Variants in MLLT3 observed in about 807,000 individuals in gnomAD.
The protein encoded by MLLT3 is protein AF-9.
MLLT3 carries 4 observed loss-of-function variants against 53.2 expected under a neutral mutation model. The ratio of observed to expected loss-of-function variants is 0.08; its 90% confidence interval spans 0.04 to 0.17. The LOEUF (loss-of-function observed/expected upper bound fraction) is 0.17, where lower values mean the gene tolerates loss of function less well. MLLT3 is among the 10% of genes least tolerant of loss of function. MLLT3 has a pLI of 1.00. For synonymous variants in MLLT3, 283 were observed against 230.6 expected (o/e 1.23, Z -2.06); for missense variants, 569 against 684.0 (o/e 0.83, Z 1.87).
At chr9:20,531,827 G>C (rs1818345497) in intron 2 of MLLT3, among the ~76,000 whole-genome samples, 2 of 152,102 alleles carry the variant, frequency 1.3e-5, no homozygotes, top group East Asian at 1.9e-4. Flanking sequence ...AAATTCCCAA[G>C]AAAGCCTCTC....
chr9:20,533,617 T>C (rs545428954), intron 2 of MLLT3, among the ~76,000 whole-genome samples: 8 of 152,366 alleles, frequency 5.3e-5, no homozygotes, highest in African/African-American at 1.9e-4. Context: ...CCATGTTCAC[T>C]GTAGCATTAC....
intron 2 of MLLT3, among the ~76,000 whole-genome samples, chr9:20,464,884 C>T (rs1282922742): frequency 6.6e-6 from 1 of 152,050 alleles, no homozygotes; most frequent in African/African-American, 2.4e-5. Context: ...CATGTAATAA[C>T]CCACACAGGT....
Position 20,353,503 on chromosome 9 carries a change from TG to T in MLLT3, c.1575+21del, listed in dbSNP as rs752238495. ...AAGTCTTGAAGTTTCTGGAAAGGGT[TG>T]TGCTAAAAAGCATTTCTCACCTGCT... is the stretch of plus-strand genomic sequence containing the variant. On this transcript the variant is annotated intron_variant, in intron 10 of 10. Transcript: ENST00000380338. 3 of 1,606,956 alleles carry T rather than the reference TG, an allele frequency of 1.9e-6. No individual in the cohort carries two copies. The Admixed American group carries it at 5.0e-5, about 27-fold the overall frequency.
chr9:20,452,892 A>G (rs561563175), intron 3 of MLLT3, among the ~76,000 whole-genome samples: 2 of 152,324 alleles, frequency 1.3e-5, no homozygotes, highest in South Asian at 4.1e-4. Context: ...ATCAATAGGC[A>G]TTAAGTTTCA....
At chr9:20,608,562 A>G (rs1001895476) in intron 2 of MLLT3, among the ~76,000 whole-genome samples, 5 of 151,542 alleles carry the variant, frequency 3.3e-5, no homozygotes, top group Admixed American at 6.6e-5. Flanking sequence ...CGTTATCTAC[A>G]TGTCTCCCTT....
chr9:20,410,590 T>A (rs1434366587), intron 5 of MLLT3: 1 of 152,084 alleles, frequency 6.6e-6, no homozygotes, highest in African/African-American at 2.4e-5. Flanking sequence ...AAGTGATCGA[T>A]CCCTCAAACA....
At chr9:20,610,690 A>G (rs989045312) in intron 2 of MLLT3, among the ~76,000 whole-genome samples, 7 of 152,154 alleles carry the variant, frequency 4.6e-5, no homozygotes, top group African/African-American at 1.7e-4. Flanking sequence ...GTGTAACTCT[A>G]ATGCAACACA....
At chr9:20,444,257 A>C (rs1823632601) in intron 4 of MLLT3, among the ~76,000 whole-genome samples, 1 of 152,228 alleles carries the variant, frequency 6.6e-6, no homozygotes, top group Non-Finnish European at 1.5e-5. Flanking sequence ...CTGATCCAAA[A>C]GTGATCAATC....
At chr9:20,449,896 CAA>C (rs1823797650) in intron 3 of MLLT3, among the ~76,000 whole-genome samples, 1 of 152,140 alleles carries the variant, frequency 6.6e-6, no homozygotes, top group African/African-American at 2.4e-5. Context: ...TACCTTTCTG[CAA>C]AGTTTCCCAA....
At chr9:20,436,800 A>AT (rs909625362) in intron 4 of MLLT3, among the ~76,000 whole-genome samples, 4 of 152,148 alleles carry the variant, frequency 2.6e-5, no homozygotes, top group Non-Finnish European at 5.9e-5. Flanking sequence ...TGATTTACTC[A>AT]TTTTATAGCC....
chr9:20,487,616 AC>A (rs1362672407), intron 2 of MLLT3, among the ~76,000 whole-genome samples: 1 of 152,276 alleles, frequency 6.6e-6, no homozygotes, highest in Non-Finnish European at 1.5e-5. Flanking sequence ...GTCCATCTGT[AC>A]CAATAATTTA....
At chr9:20,580,516 T>A (rs1037262863) in intron 2 of MLLT3, among the ~76,000 whole-genome samples, 1 of 152,274 alleles carries the variant, frequency 6.6e-6, no homozygotes, top group East Asian at 1.9e-4. Flanking sequence ...TAGACTCTCT[T>A]GGACAGTTTT....
In MLLT3 at chr9:20,620,943, G is replaced by T; in HGVS notation, c.13-109C>A. ...CTCCTTCTTGAAACGCACATAAAAG[G>T]AAACGGCGGTGCCCTCTGCATCCAC... On this transcript the variant is annotated intron_variant, in intron 1 of 10. Coordinates refer to ENST00000380338, the MANE Select transcript of MLLT3 (RefSeq NM_004529.4). This position sits in a 1 kb window ranked among gnomAD's most constrained non-coding sequence, Gnocchi z 6.1. 2.6e-6 allele frequency: 3 copies of T among 1,168,588 alleles called. No individual in the cohort carries two copies. The highest frequency in any genetic ancestry group is 1.9e-5 in the Admixed American group (1 of 52,972). 72.4% of individuals were successfully genotyped at this position (1,168,588 alleles called of 1,614,324 possible).
chr9:20,528,149 T>A (rs1218623162), intron 2 of MLLT3, among the ~76,000 whole-genome samples: 1 of 152,228 alleles, frequency 6.6e-6, no homozygotes, highest in Non-Finnish European at 1.5e-5. Context: ...GAGCATCTAA[T>A]TGAGGTTAAA....
intron 2 of MLLT3, among the ~76,000 whole-genome samples, chr9:20,506,147 C>T (rs528403531): frequency 1.8e-4 from 27 of 152,144 alleles, no homozygotes; most frequent in Admixed American, 1.6e-3. Flanking sequence ...CTCTGCCTCC[C>T]AGGTTCAAGC....
chr9:20,561,599 C>A (rs1484593401), intron 2 of MLLT3, among the ~76,000 whole-genome samples: 1 of 152,114 alleles, frequency 6.6e-6, no homozygotes, highest in Non-Finnish European at 1.5e-5. Flanking sequence ...CAAATAAAAA[C>A]CACCACACAT....
Position 20,414,232 on chromosome 9 carries a change from T to C in MLLT3, c.614A>G (p.Glu205Gly). The C allele has an allele frequency of 6.2e-7, 1 of 1,614,098 alleles. No homozygotes were observed. The change falls in exon 5 of 11, where the codon GAA becomes GGA. Residue 205 changes from glutamate to glycine, a missense_variant. Transcript: ENST00000380338. ...KPHKLMKEHK[E>G]KPSKDSREHK... ...TTCTCTGGAGTCTTTAGAAGGTTTT[T>C]CCTTGTGCTCCTTCATTAATTTGTG...
rs911259912 is a variant in MLLT3 at position 20,620,474 on chromosome 9, G to GGC, written c.193+178_193+179dup. 6.6e-6 allele frequency among the ~76,000 whole-genome samples: 1 copy of GGC among 150,828 alleles called. No homozygotes were observed. The highest frequency in any genetic ancestry group is 6.6e-5 in the Admixed American group (1 of 15,142). ...GCGGTGACTTTCACCAAGCCGAAGT[G>GGC]GCGCGCGCGCGGGCAGGCGGGAGCC... is the stretch of plus-strand genomic sequence containing the variant. On this transcript the variant is annotated intron_variant, in intron 2 of 10. Coordinates refer to ENST00000380338, the MANE Select transcript of MLLT3 (RefSeq NM_004529.4). This position sits in a 1 kb window ranked among gnomAD's most constrained non-coding sequence, Gnocchi z 6.1.
intron 2 of MLLT3, among the ~76,000 whole-genome samples, chr9:20,602,850 T>C (rs1026610305): frequency 6.6e-6 from 1 of 152,034 alleles, no homozygotes; most frequent in Non-Finnish European, 1.5e-5. Flanking sequence ...GAAAGACATG[T>C]CACTTTTTAA....
Sources: gnomAD v4.1 joint callset for allele counts (sites outside exome capture counted in the v4.1 genomes callset) on GRCh38, gnomAD v4.1.1 for gene constraint, Gnocchi (gnomAD v3.1) non-coding constraint, MANE v1.5 for transcripts, NCBI Gene and HGNC (gene_info 2026-07-23, HGNC 2026-07-21) for gene names.